Variants in PDCD10 observed in about 807,000 individuals in gnomAD.
The protein encoded by PDCD10 is programmed cell death 10.
Under a neutral mutation model 29.2 loss-of-function variants are expected in PDCD10, and 4 were observed. That is an observed-to-expected ratio of 0.14 (90% CI 0.07 to 0.31). PDCD10 has a LOEUF of 0.31. PDCD10 is among the 10% of genes least tolerant of loss of function. PDCD10 has a pLI of 1.00. For missense variants in PDCD10, 183 were observed against 257.9 expected (o/e 0.71, Z 1.99); for synonymous variants, 70 against 82.2 (o/e 0.85, Z 0.80).
chr3:167,726,650 A>G (rs1216756714), intron 2 of PDCD10, among the ~76,000 whole-genome samples: 1 of 152,228 alleles, frequency 6.6e-6, no homozygotes, highest in Non-Finnish European at 1.5e-5. Flanking sequence ...AATAGTTACT[A>G]CAGTGGCTAA....
chr3:167,710,668 T>C (rs1722439599), intron 3 of PDCD10, among the ~76,000 whole-genome samples: 1 of 152,238 alleles, frequency 6.6e-6, no homozygotes, highest in African/African-American at 2.4e-5. Context: ...CTGGCTTCAC[T>C]ACCTGCTGAT....
At position 167,683,636 on chromosome 3, in the gene PDCD10, T is replaced by C. The variant is rs1719279538; in HGVS notation, c.*672A>G. 1 of 151,938 alleles carries C rather than the reference T, an allele frequency of 6.6e-6. No individual in the cohort carries two copies. The highest frequency in any genetic ancestry group is 2.4e-5 in the African/African-American group (1 of 41,412). 9.4% of individuals were successfully genotyped at this position (151,938 alleles called of 1,614,324 possible). On this transcript the variant is annotated 3_prime_UTR_variant, in exon 9 of 9. Transcript: ENST00000392750. ...ACTAGAAAATGCTATCTCTTACTCA[T>C]AAGTCGTTTAAAACAGGTTGGAAAT... is the stretch of plus-strand genomic sequence containing the variant.
chr3:167,701,258 T>C (rs1318164733), intron 4 of PDCD10, among the ~76,000 whole-genome samples: 2 of 152,192 alleles, frequency 1.3e-5, no homozygotes, highest in Non-Finnish European at 2.9e-5. Context: ...GAGATACCTA[T>C]ATATCTCTAT....
At chr3:167,687,347 G>T in intron 7 of PDCD10, 31 bp from the exon 8 acceptor site, 1 of 1,253,480 alleles carries the variant, frequency 8.0e-7, no homozygotes, top group Non-Finnish European at 1.2e-6. Flanking sequence ...AAGAAATAAA[G>T]TACTAAATAA....
rs114501810 is a variant in PDCD10, at chr3:167,711,218, G to A, written c.97-6323C>T. Among the ~76,000 whole-genome samples the A allele has an allele frequency of 7.5e-3, 1,136 of 152,308 alleles. 10 individuals are homozygous for A. The highest frequency in any genetic ancestry group is 0.012 in the Non-Finnish European group (815 of 68,030). ...CAATCCTGCAGAAACACAGATATGT[G>A]ACTTCTCAGACAGAGAATTCAAAAT... On this transcript the variant is annotated intron_variant, in intron 3 of 8. Transcript: ENST00000392750.
chr3:167,712,227 G>A (rs1022293099), intron 3 of PDCD10, among the ~76,000 whole-genome samples: 19 of 152,022 alleles, frequency 1.2e-4, no homozygotes, highest in East Asian at 1.9e-4. Flanking sequence ...ACAATAAGAC[G>A]TAAAGAGAAA....
At chr3:167,684,528 A>G in intron 8 of PDCD10, 139 bp from the exon 9 acceptor site, 2 of 618,872 alleles carry the variant, frequency 3.2e-6, no homozygotes, top group South Asian at 3.4e-5. Flanking sequence ...CTTTTATTCC[A>G]ATTTAGGATA....
In PDCD10 at chr3:167,695,796, T is replaced by C. The variant is rs577124419; in HGVS notation, c.269-74A>G. On this transcript the variant is annotated intron_variant, in intron 5 of 8. Transcript: ENST00000392750. ...ATTCATCACATCTAAGAATTTCCAA[T>C]GTTGGTCAAAGGCAGGTGAGGGAGG... 6.0e-5 allele frequency: 91 copies of C among 1,505,380 alleles called. No individual in the cohort carries two copies. The African/African-American group carries it at 9.9e-4, about 16-fold the overall frequency. 93.3% of individuals were successfully genotyped at this position (1,505,380 alleles called of 1,614,324 possible). A position where few individuals can be genotyped will look rare whatever the true frequency, so the allele number is the denominator to read the frequency against.
At chr3:167,713,504 TAAAC>T (rs1417130748) in intron 3 of PDCD10, among the ~76,000 whole-genome samples, 7 of 151,540 alleles carry the variant, frequency 4.6e-5, no homozygotes, top group African/African-American at 1.2e-4. Context: ...ACACACATCT[TAAAC>T]AACCAGAAAA....
At chr3:167,733,394 CT>C (rs1170566490) in intron 2 of PDCD10, among the ~76,000 whole-genome samples, 2 of 152,194 alleles carry the variant, frequency 1.3e-5, no homozygotes, top group African/African-American at 4.8e-5. Context: ...CATAAAGGCA[CT>C]ACTTTCTGCA....
intron 4 of PDCD10, among the ~76,000 whole-genome samples, chr3:167,701,128 G>A (rs573854251): frequency 6.6e-6 from 1 of 152,226 alleles, no homozygotes; most frequent in South Asian, 2.1e-4. Context: ...AGAAGACCTA[G>A]ACAAAGAGAA....
intron 4 of PDCD10, among the ~76,000 whole-genome samples, chr3:167,701,544 C>T (rs913272540): frequency 6.6e-6 from 1 of 152,042 alleles, no homozygotes; most frequent in Non-Finnish European, 1.5e-5. Flanking sequence ...GGATAATGTC[C>T]CTTGCTTCCC....
intron 3 of PDCD10, among the ~76,000 whole-genome samples, chr3:167,716,738 T>C (rs374013509): frequency 6.6e-6 from 1 of 151,768 alleles, no homozygotes; most frequent in East Asian, 1.9e-4. Context: ...ACATATTAAT[T>C]ACTTACACAG....
chr3:167,713,373 A>G (rs1294879813), intron 3 of PDCD10, among the ~76,000 whole-genome samples: 3 of 152,022 alleles, frequency 2.0e-5, no homozygotes, highest in African/African-American at 7.2e-5. Flanking sequence ...AAAATGAAAA[A>G]TTTCTTGAAA....
intron 2 of PDCD10, among the ~76,000 whole-genome samples, chr3:167,720,821 T>TA (rs987044497): frequency 6.6e-6 from 1 of 152,020 alleles, no homozygotes; most frequent in Non-Finnish European, 1.5e-5. Context: ...ATGTCAAACA[T>TA]AAAATTGAAA....
chr3:167,698,619 T>C (rs745893496), intron 4 of PDCD10, among the ~76,000 whole-genome samples: 2 of 152,222 alleles, frequency 1.3e-5, no homozygotes, highest in African/African-American at 4.8e-5. Flanking sequence ...TTAAGATGTG[T>C]TGTTATAGCA....
chr3:167,725,731 T>C (rs1724047458), intron 2 of PDCD10, among the ~76,000 whole-genome samples: 1 of 143,052 alleles, frequency 7.0e-6, no homozygotes, highest in Non-Finnish European at 1.5e-5. Context: ...TTGTTAATGG[T>C]AAGTGTATAT....
chr3:167,698,536 A>AAAAAC (rs556370487), intron 4 of PDCD10, among the ~76,000 whole-genome samples: 1 of 139,690 alleles, frequency 7.2e-6, no homozygotes, highest in Non-Finnish European at 1.6e-5. Context: ...ACCTCGTATT[A>AAAAAC]AAAACAAAAC....
At chr3:167,704,969 T>G (rs1302709799) in intron 3 of PDCD10, 74 bp from the exon 4 acceptor site, 1 of 863,798 alleles carries the variant, frequency 1.2e-6, no homozygotes, top group Non-Finnish European at 1.9e-6. Context: ...TTCCATTCTG[T>G]AGCAATCACA....
Sources: gnomAD v4.1 joint callset for allele counts (sites outside exome capture counted in the v4.1 genomes callset) on GRCh38, gnomAD v4.1.1 for gene constraint, MANE v1.5 for transcripts, NCBI Gene and HGNC (gene_info 2026-07-23, HGNC 2026-07-21) for gene names.